The following PCID2 variants were observed in gnomAD, a reference collection of about 807,000 sequenced individuals.
PCID2 encodes the protein PCI domain-containing protein 2.
In PCID2, 41 loss-of-function variants were observed where a neutral mutation model predicts 61.3. The ratio of observed to expected loss-of-function variants is 0.67; its 90% confidence interval spans 0.52 to 0.87. PCID2 has a LOEUF of 0.87. Among genes scored for constraint, PCID2 ranks in the 40% least tolerant of loss-of-function variants. The pLI, the probability that PCID2 is intolerant of heterozygous loss-of-function variation, is 0.00. For synonymous variants in PCID2, 187 were observed against 177.8 expected (o/e 1.05, Z -0.41); for missense variants, 392 against 493.4 (o/e 0.79, Z 1.95).
intron 7 of PCID2, chr13:113,190,641 G>A (rs977969147): frequency 2.7e-6 from 1 of 364,572 alleles, no homozygotes; most frequent in Admixed American, 4.6e-5. Context: ...CTGCAGAGAG[G>A]AGCTCCAGGC....
At chr13:113,197,308 C>T in intron 3 of PCID2, 65 bp from the exon 4 acceptor site, 1 of 1,130,464 alleles carries the variant, frequency 8.8e-7, no homozygotes, top group Non-Finnish European at 1.3e-6. Flanking sequence ...GCAGCCCACA[C>T]AGCTCACTTC....
chr13:113,182,518 T>G (rs1017192896), intron 9 of PCID2, among the ~76,000 whole-genome samples: 2 of 152,192 alleles, frequency 1.3e-5, no homozygotes, highest in African/African-American at 4.8e-5. Context: ...TTTTCTTTTT[T>G]GAGATGGAGT....
chr13:113,175,127 G>A (rs1003556516), downstream of PCID2, among the ~76,000 whole-genome samples: 4 of 152,114 alleles, frequency 2.6e-5, no homozygotes, highest in East Asian at 3.9e-4. Context: ...GAGGTCCCCC[G>A]AGTCATGTGG....
intron 3 of PCID2, among the ~76,000 whole-genome samples, chr13:113,197,940 G>A (rs533051742): frequency 2.1e-4 from 32 of 152,282 alleles, no homozygotes; most frequent in African/African-American, 4.3e-4. Context: ...TGAACAGTTC[G>A]GCTCCAAACT....
downstream of PCID2, among the ~76,000 whole-genome samples, chr13:113,174,536 C>G (rs2037160751): frequency 6.6e-6 from 1 of 152,170 alleles, no homozygotes; most frequent in Non-Finnish European, 1.5e-5. Context: ...TGTCTGCCAC[C>G]CAAGGCTGGA....
chr13:113,180,772 A>AGGGTG lies in PCID2; in HGVS notation c.786+353_786+357dup, dbSNP rs1483347004. Among the ~76,000 whole-genome samples, 3 of 152,332 alleles carry AGGGTG rather than the reference A, an allele frequency of 2.0e-5. No individual in the cohort carries two copies. The East Asian group carries it at 5.8e-4, about 29-fold the overall frequency. On this transcript the variant is annotated intron_variant, in intron 10 of 13. Coordinates refer to ENST00000337344, the MANE Select transcript of PCID2 (RefSeq NM_001127202.4). ...GTAACTAAATGAAATACCCACAGAG[A>AGGGTG]GGGTGAAATGACATTTTTCTTTCTT...
intron 1 of PCID2, chr13:113,208,142 G>C: frequency 6.2e-7 from 1 of 1,604,588 alleles, no homozygotes; most frequent in Non-Finnish European, 8.5e-7. Context: ...CCGGCCTGCA[G>C]CACGGCCACA....
In PCID2 at chr13:113,179,433, AC is replaced by A. The variant is rs2138650675; in HGVS notation, c.987-345del. Among the ~76,000 whole-genome samples, 1 of 152,158 alleles carries A rather than the reference AC, an allele frequency of 6.6e-6. No homozygotes were observed. The highest frequency in any genetic ancestry group is 2.1e-4 in the South Asian group (1 of 4,828). On this transcript the variant is annotated intron_variant, in intron 12 of 13. Transcript: ENST00000337344. The surrounding 1 kb of genome is among the most constrained non-coding windows in gnomAD (Gnocchi z 4.3). ...GGGTCCCTACTGTTTGTGACGTGCT[AC>A]CCACAGCTCTATACAAAGTTGGCCT...
At chr13:113,197,020 C>T (rs902139892) in intron 4 of PCID2, 158 bp downstream of exon 4, 3 of 1,610,156 alleles carry the variant, frequency 1.9e-6, no homozygotes, top group Non-Finnish European at 1.7e-6. Flanking sequence ...TTTAAGTACC[C>T]AAGTGAAAGA....
chr13:113,174,628 G>A (rs2037161827), downstream of PCID2, among the ~76,000 whole-genome samples: 1 of 152,146 alleles, frequency 6.6e-6, no homozygotes, highest in Non-Finnish European at 1.5e-5. Context: ...CTGACTACAG[G>A]TGTGGACCAC....
At chr13:113,180,728 G>C (rs1156594360) in intron 10 of PCID2, among the ~76,000 whole-genome samples, 1 of 152,196 alleles carries the variant, frequency 6.6e-6, no homozygotes, top group Admixed American at 6.5e-5. Flanking sequence ...GTTATTTCAA[G>C]TATCAAAAAT....
rs764951255 is a variant in PCID2 at position 113,184,387 on chromosome 13, T to C, written c.644A>G (p.Tyr215Cys). Residue 215 changes from tyrosine (Y) to cysteine (C), a missense_variant, in exon 9 of 14, where the codon TAC (tyrosine) becomes TGC (cysteine). Around this residue, in one of 3 missense-constraint regions of PCID2, gnomAD observed 226 missense variants for 296.5 expected, o/e 0.76. Coordinates refer to ENST00000337344, the MANE Select transcript of PCID2 (RefSeq NM_001127202.4). ...GTCAAACATAGCCTTGCGTCCAACG[T>C]AGTATTTGTATGTTACTCTCTGTGC... ...STAQRVTYKY[Y>C]VGRKAMFDSD... 6.2e-6 allele frequency: 10 copies of C among 1,613,140 alleles called. No individual in the cohort carries two copies. The highest frequency in any genetic ancestry group is 1.7e-4 in the Middle Eastern group (1 of 6,058).
In PCID2 at chr13:113,179,823, G is replaced by A. The variant is rs548391656; in HGVS notation, c.986+94C>T. 7.6e-5 allele frequency: 96 copies of A among 1,263,282 alleles called. No individual in the cohort carries two copies. In the South Asian group the frequency reaches 1.2e-3, roughly 15 times the overall value. 78.3% of individuals were successfully genotyped at this position (1,263,282 alleles called of 1,614,324 possible). Reference sequence around the variant, plus strand: ...AGGAAGATAACGACCCCACCCACACGGTGGCCTTCTCTCTTAGACTGCAAC... The same window carrying A: ...AGGAAGATAACGACCCCACCCACACAGTGGCCTTCTCTCTTAGACTGCAAC... On this transcript the variant is annotated intron_variant, in intron 12 of 13. Transcript: ENST00000337344. This position sits in a 1 kb window ranked among gnomAD's most constrained non-coding sequence, Gnocchi z 4.3.
intron 6 of PCID2, among the ~76,000 whole-genome samples, chr13:113,192,211 AC>A (rs2038676174): frequency 6.6e-6 from 1 of 152,236 alleles, no homozygotes; most frequent in African/African-American, 2.4e-5. Context: ...CTATGACTGC[AC>A]CATTGCACTT....
At chr13:113,176,748 GT>G (rs2037197952), downstream of PCID2, among the ~76,000 whole-genome samples, 1 of 152,186 alleles carries the variant, frequency 6.6e-6, no homozygotes, top group Non-Finnish European at 1.5e-5. Context: ...GGGTGACAGA[GT>G]GAGGTCCTGT....
At chr13:113,207,164 C>T (rs1368932506) in intron 1 of PCID2, among the ~76,000 whole-genome samples, 1 of 152,242 alleles carries the variant, frequency 6.6e-6, no homozygotes, top group Non-Finnish European at 1.5e-5. Flanking sequence ...TATGTGTTCT[C>T]ATATCCAGAT....
the PCID2 span, among the ~76,000 whole-genome samples, chr13:113,165,387 T>C: frequency 2.6e-4 from 39 of 152,250 alleles, no homozygotes; most frequent in African/African-American, 9.4e-4. Flanking sequence ...TCTCAGAACA[T>C]AAGCATCTCA....
downstream of PCID2, chr13:113,177,441 C>T (rs1233115565): frequency 1.3e-5 from 2 of 152,196 alleles, no homozygotes; most frequent in East Asian, 3.9e-4. Context: ...CCGGCATCTA[C>T]ACTTTATTAT....
chr13:113,196,319 AC>A, intron 4 of PCID2, 97 bp from the exon 5 acceptor site: 1 of 900,236 alleles, frequency 1.1e-6, no homozygotes, highest in Non-Finnish European at 1.8e-6. Flanking sequence ...AATGTAGATC[AC>A]CCTTGAGCAG....
Sources: allele counts gnomAD v4.1 joint callset (sites outside exome capture counted in the v4.1 genomes callset), GRCh38; gene constraint gnomAD v4.1.1; regional missense constraint gnomAD v4.1.1; non-coding constraint Gnocchi (gnomAD v3.1); transcripts MANE v1.5; gene names NCBI Gene and HGNC (gene_info 2026-07-23, HGNC 2026-07-21).